FGF17: variants seen among roughly 807,000 people sequenced by gnomAD.
FGF17 encodes the protein fibroblast growth factor 17.
A neutral mutation model predicts 23.5 loss-of-function variants in FGF17; 5 were observed. The ratio of observed to expected loss-of-function variants is 0.21; its 90% CI spans 0.11 to 0.45. The LOEUF (loss-of-function observed/expected upper bound fraction) is 0.45, where lower values mean the gene tolerates loss of function less well. Among genes scored for constraint, FGF17 ranks in the 20% least tolerant of loss-of-function variants. The pLI is 0.99. For synonymous variants in FGF17, 136 were observed against 123.0 expected (o/e 1.11, Z -0.70); for missense variants, 221 against 306.9 (o/e 0.72, Z 2.09).
At chr8:22,042,458 A>G, upstream of FGF17, 1 of 195,922 alleles carries the variant, frequency 5.1e-6, no homozygotes, top group Non-Finnish European at 1.1e-5. Context: ...GGGGCGCCAG[A>G]CCTGAGTGCA....
At chr8:22,045,935 G>C in intron 2 of FGF17, 179 bp from the exon 3 acceptor site, 1 of 1,510,352 alleles carries the variant, frequency 6.6e-7, no homozygotes. Context: ...GCAAAGCAAA[G>C]AGGTTATGAC....
intron 2 of FGF17, chr8:22,044,438 G>C (rs1305500219): frequency 6.6e-6 from 1 of 152,264 alleles, no homozygotes; most frequent in African/African-American, 2.4e-5. Flanking sequence ...TGGGCTGTGG[G>C]GGGGCGTGGG....
At chr8:22,045,605 AC>A in intron 2 of FGF17, 3 of 1,016,062 alleles carry the variant, frequency 3.0e-6, no homozygotes, top group Non-Finnish European at 3.5e-6. Context: ...AACTCGCAGC[AC>A]CATCTGCTCT....
chr8:22,045,922 G>A, intron 2 of FGF17, 192 bp from the exon 3 acceptor site: 1 of 1,492,486 alleles, frequency 6.7e-7, no homozygotes, highest in Non-Finnish European at 8.9e-7. Flanking sequence ...CTGTAAGGTA[G>A]ACGCAAAGCA....
chr8:22,040,063 C>T (rs1800715940), upstream of FGF17, among the ~76,000 whole-genome samples: 1 of 151,634 alleles, frequency 6.6e-6, no homozygotes, highest in Non-Finnish European at 1.5e-5. Flanking sequence ...TGTTAATAAA[C>T]CCCACCCTTC....
chr8:22,043,470 C>T (rs964383103), intron 2 of FGF17, among the ~76,000 whole-genome samples: 1 of 152,188 alleles, frequency 6.6e-6, no homozygotes, highest in African/African-American at 2.4e-5. Context: ...AGGGATGGAG[C>T]CTGGAGCGGT....
At chr8:22,046,728 A>C in intron 4 of FGF17, 95 bp downstream of exon 4, 2 of 815,080 alleles carry the variant, frequency 2.5e-6, no homozygotes, top group South Asian at 1.5e-5. Flanking sequence ...TGAGCCACAC[A>C]CCCTCCTGTG....
At position 22,046,298 on chromosome 8, in the gene FGF17, G is replaced by T; in HGVS notation, c.250+7G>T. 1 of 1,611,804 alleles carries T rather than the reference G, an allele frequency of 6.2e-7. No individual in the cohort carries two copies. The highest frequency in any genetic ancestry group is 8.5e-7 in the Non-Finnish European group (1 of 1,178,622). On this transcript the variant is annotated splice_region_variant and intron_variant, in intron 3 of 4. Coordinates refer to ENST00000359441, the MANE Select transcript of FGF17 (RefSeq NM_003867.4). Reference sequence around the variant, plus strand: ...GAGGACGGCAACAAGTTTGGTGAGAGTTGGCCCTCCCCCCAGGGCACCCAC... The same window carrying T: ...GAGGACGGCAACAAGTTTGGTGAGATTTGGCCCTCCCCCCAGGGCACCCAC...
Position 22,046,274 on chromosome 8 carries a change from A to G in FGF17, c.233A>G (p.Glu78Gly). 1 of 1,613,592 alleles carries G rather than the reference A, an allele frequency of 6.2e-7. No individual in the cohort carries two copies. Among genetic ancestry groups the G allele is most frequent in the Non-Finnish European group, 8.5e-7 (1 of 1,179,856 alleles). Reference sequence around the variant, plus strand: ...GGGCGTCGCATCTCCGCCACCGCCGAGGACGGCAACAAGTTTGGTGAGAGT... The same window carrying G: ...GGGCGTCGCATCTCCGCCACCGCCGGGGACGGCAACAAGTTTGGTGAGAGT... Reference protein sequence around the residue: ...VTGRRISATAEDGNKFAKLIV... With the variant: ...VTGRRISATAGDGNKFAKLIV... The change falls in exon 3 of 5, where the codon GAG (glutamate) becomes GGG (glycine). Residue 78 changes from glutamate (E) to glycine (G), a missense_variant. Transcript: ENST00000359441.
At chr8:22,047,661 G>C (rs899442178) in intron 4 of FGF17, among the ~76,000 whole-genome samples, 1 of 152,248 alleles carries the variant, frequency 6.6e-6, no homozygotes, top group African/African-American at 2.4e-5. Context: ...AAGGGCCCGT[G>C]CATGCTGGGA....
In FGF17 at chr8:22,048,270, A is replaced by G. The variant is rs751229712; in HGVS notation, c.*21A>G. 144 of 1,566,062 alleles carry G rather than the reference A, an allele frequency of 9.2e-5. No homozygotes were observed. The highest frequency in any genetic ancestry group is 1.2e-4 in the Non-Finnish European group (136 of 1,152,660). ...CGTAGTCTGGGAGGCAGGGGGCAGC[A>G]GCCCCTGGGCCGCCTCCCCACCCCT... On this transcript the variant is annotated 3_prime_UTR_variant, in exon 5 of 5. Coordinates refer to ENST00000359441, the MANE Select transcript of FGF17 (RefSeq NM_003867.4). The surrounding 1 kb of genome is among the most constrained non-coding windows in gnomAD (Gnocchi z 6.9).
At chr8:22,042,769 TTTTCTCTCCTCCTCCTCCCC>T (rs1244988033), upstream of FGF17, 20 of 606,944 alleles carry the variant, frequency 3.3e-5, no homozygotes, top group Middle Eastern at 6.2e-4. Flanking sequence ...CTCCTCCCTC[TTTTCTCTCCTCCTCCTCCCC>T]TTTCTCTCCT....
In FGF17 at chr8:22,048,253, G is replaced by C. The variant is rs1801002615; in HGVS notation, c.*4G>C. 1 of 1,591,548 alleles carries C rather than the reference G, an allele frequency of 6.3e-7. No individual in the cohort carries two copies. The highest frequency in any genetic ancestry group is 1.1e-5 in the South Asian group (1 of 89,266). On this transcript the variant is annotated 3_prime_UTR_variant, in exon 5 of 5. Transcript: ENST00000359441. The surrounding 1 kb of genome is among the most constrained non-coding windows in gnomAD (Gnocchi z 6.9). ...GCGGCCCCAGCCCCTCACGTAGTCT[G>C]GGAGGCAGGGGGCAGCAGCCCCTGG...
upstream of FGF17, among the ~76,000 whole-genome samples, chr8:22,041,211 C>T (rs1203499997): frequency 6.6e-6 from 1 of 152,224 alleles, no homozygotes; most frequent in East Asian, 1.9e-4. Context: ...CAAGCTCAGG[C>T]AGCACCCACT....
rs1172695198 is a variant in FGF17 at position 22,048,204 on chromosome 8, C to A, written c.606C>A (p.Pro202=). ...QKQFEFVGSA[P]TRRTKRTRRP... ...AGTTCGAGTTTGTGGGCTCCGCCCC[C>A]ACCCGCCGGACCAAGCGCACACGGC... Residue 202 remains proline, a synonymous_variant, in exon 5 of 5, where the codon CCC becomes CCA. Transcript: ENST00000359441. The surrounding 1 kb of genome is among the most constrained non-coding windows in gnomAD (Gnocchi z 6.9). The A allele has an allele frequency of 3.1e-6, 5 of 1,611,240 alleles. No homozygotes were observed. Among genetic ancestry groups the A allele is most frequent in the African/African-American group, 1.3e-5 (1 of 74,910 alleles).
chr8:22,047,110 C>T (rs903373183), intron 4 of FGF17, among the ~76,000 whole-genome samples: 1 of 152,064 alleles, frequency 6.6e-6, no homozygotes, highest in African/African-American at 2.4e-5. Flanking sequence ...TAAATGAGTC[C>T]CCGGGACTCT....
At chr8:22,047,340 A>C (rs998917897) in intron 4 of FGF17, among the ~76,000 whole-genome samples, 1 of 152,140 alleles carries the variant, frequency 6.6e-6, no homozygotes, top group East Asian at 1.9e-4. Flanking sequence ...CAAGATAGAC[A>C]CTAAGCAGCT....
upstream of FGF17, chr8:22,042,774 TCTC>T (rs775162055): frequency 4.7e-4 from 312 of 660,198 alleles, no homozygotes; most frequent in Middle Eastern, 1.1e-3. Context: ...CCCTCTTTTC[TCTC>T]CTCCTCCTCC....
At chr8:22,047,647 T>G in intron 4 of FGF17, among the ~76,000 whole-genome samples, 1 of 152,196 alleles carries the variant, frequency 6.6e-6, no homozygotes, top group East Asian at 1.9e-4. Context: ...AGCATTTCAG[T>G]GCTAAGGGCC....
Sources: gnomAD v4.1 joint callset for allele counts (sites outside exome capture counted in the v4.1 genomes callset) on GRCh38, gnomAD v4.1.1 for gene constraint, Gnocchi (gnomAD v3.1) non-coding constraint, MANE v1.5 for transcripts, NCBI Gene and HGNC (gene_info 2026-07-23, HGNC 2026-07-21) for gene names.